Variants in ALMS1 observed in about 807,000 individuals in gnomAD.
ALMS1 encodes centrosome-associated protein ALMS1.
ALMS1 carries 271 observed loss-of-function variants against 352.2 expected under a neutral mutation model. The observed-to-expected ratio is 0.77, with a 90% confidence interval of 0.70 to 0.85. The LOEUF (loss-of-function observed/expected upper bound fraction) is 0.85, where lower values mean the gene tolerates loss of function less well. Among genes scored for constraint, ALMS1 ranks in the 40% least tolerant of loss-of-function variants. ALMS1 has a pLI of 0.00. For synonymous variants in ALMS1, 1,865 were observed against 1,761.2 expected (o/e 1.06, Z -1.48); for missense variants, 5,445 against 4,870.7 (o/e 1.12, Z -3.51).
intron 11 of ALMS1, among the ~76,000 whole-genome samples, chr2:73,520,267 C>T (rs1673649840): frequency 6.6e-6 from 1 of 152,096 alleles, no homozygotes; most frequent in Admixed American, 6.5e-5. Context: ...TTTGTCTCAT[C>T]ATATTTGCAA....
intron 12 of ALMS1, among the ~76,000 whole-genome samples, chr2:73,546,701 A>C (rs1054620987): frequency 6.6e-6 from 1 of 152,226 alleles, no homozygotes; most frequent in Admixed American, 6.5e-5. Context: ...TGAATTAGGT[A>C]GGCAGAGAGT....
Position 73,524,375 on chromosome 2 carries a change from A to G in ALMS1, c.9781+4359A>G, listed in dbSNP as rs541779738. ...AGTGTATAATAATCCCATCAAGGTA[A>G]ATGGGATATCCATCACCTCAAGCAT... On this transcript the variant is annotated intron_variant, in intron 11 of 22. Coordinates refer to ENST00000613296, the MANE Select transcript of ALMS1 (RefSeq NM_001378454.1). Among the ~76,000 whole-genome samples, 11 of 152,332 alleles carry G rather than the reference A, an allele frequency of 7.2e-5. No homozygotes were observed. The South Asian group carries it at 2.1e-3, about 29-fold the overall frequency.
Position 73,534,960 on chromosome 2 carries a change from G to GA in ALMS1, c.9907+14dup. The GA allele has an allele frequency of 6.2e-7, 1 of 1,613,498 alleles. No homozygotes were observed. The highest frequency in any genetic ancestry group is 8.5e-7 in the Non-Finnish European group (1 of 1,179,568). On this transcript the variant is annotated intron_variant, in intron 12 of 22. Transcript: ENST00000613296. Reference sequence around the variant, plus strand: ...AAAGCTCCCATTCAGGTATTATGCAGAAATTATTCGAAGTTTTATTGTTTG... The same window carrying GA: ...AAAGCTCCCATTCAGGTATTATGCAGAAAATTATTCGAAGTTTTATTGTTTG...
chr2:73,506,288 T>C (rs1673318806), intron 10 of ALMS1, among the ~76,000 whole-genome samples: 1 of 152,210 alleles, frequency 6.6e-6, no homozygotes, highest in African/African-American at 2.4e-5. Flanking sequence ...TTTGGTTCCA[T>C]ATGAACTTTA....
rs80233835 is a variant in ALMS1, at chr2:73,553,080, A to G, written c.10078+2643A>G. 2.4e-3 allele frequency among the ~76,000 whole-genome samples: 366 copies of G among 152,314 alleles called. 2 individuals carry two copies. Among genetic ancestry groups the G allele is most frequent in the African/African-American group, 8.5e-3 (353 of 41,582 alleles). On this transcript the variant is annotated intron_variant, in intron 13 of 22. Coordinates refer to ENST00000613296, the MANE Select transcript of ALMS1 (RefSeq NM_001378454.1). The stretch of plus-strand genomic sequence containing the variant: ...AAGGGACTACCATGTACATAAAAAT[A>G]CACACCGAGGCACATGACCTTGACA...
At chr2:73,586,191 G>C (rs1375198854) in intron 16 of ALMS1, among the ~76,000 whole-genome samples, 2 of 152,134 alleles carry the variant, frequency 1.3e-5, no homozygotes, top group African/African-American at 4.8e-5. Context: ...TCGGATGCAT[G>C]GTTTGCAAAT....
intron 9 of ALMS1, among the ~76,000 whole-genome samples, chr2:73,464,609 G>C: frequency 6.6e-6 from 1 of 152,150 alleles, no homozygotes. Context: ...AGTTAGGCAG[G>C]AGAAGGAAAT....
At chr2:73,481,335 T>G (rs1672698999) in intron 9 of ALMS1, among the ~76,000 whole-genome samples, 1 of 152,180 alleles carries the variant, frequency 6.6e-6, no homozygotes, top group Non-Finnish European at 1.5e-5. Flanking sequence ...AAACAGGGAA[T>G]CCTTTCCCCA....
chr2:73,464,926 C>G (rs576419576), intron 9 of ALMS1, among the ~76,000 whole-genome samples: 2 of 123,842 alleles, frequency 1.6e-5, no homozygotes, highest in South Asian at 5.6e-4. Context: ...CTACAAACCA[C>G]TGCTCAATGA....
At chr2:73,435,445 A>C (rs1221750559) in intron 7 of ALMS1, among the ~76,000 whole-genome samples, 2 of 151,766 alleles carry the variant, frequency 1.3e-5, no homozygotes, top group Non-Finnish European at 2.9e-5. Flanking sequence ...GGGGCTTATA[A>C]TATTTATCTT....
chr2:73,494,968 C>G (rs1673072940), intron 10 of ALMS1, among the ~76,000 whole-genome samples: 1 of 150,322 alleles, frequency 6.7e-6, no homozygotes, highest in Non-Finnish European at 1.5e-5. Flanking sequence ...TCTGTCATCT[C>G]TTTTACATTT....
chr2:73,417,729 A>G (rs532800114), intron 2 of ALMS1, among the ~76,000 whole-genome samples: 8 of 152,326 alleles, frequency 5.3e-5, no homozygotes, highest in Admixed American at 2.0e-4. Context: ...ATGCTATAAC[A>G]TAGTTTGAGC....
At chr2:73,387,127 C>G (rs1670556334) in intron 1 of ALMS1, among the ~76,000 whole-genome samples, 1 of 152,226 alleles carries the variant, frequency 6.6e-6, no homozygotes, top group Non-Finnish European at 1.5e-5. Flanking sequence ...TCATCACAGA[C>G]AGTGAAGGTG....
chr2:73,572,531 G>T lies in ALMS1; in HGVS notation c.10654G>T (p.Val3552Leu). Residue 3552 changes from valine to leucine, a missense_variant, in exon 16 of 23, where the codon GTG (valine) becomes TTG (leucine). Transcript: ENST00000613296. The stretch of plus-strand genomic sequence containing the variant: ...CAGAATAAAGAGCCTCAGCATCAAT[G>T]TGAATTTGGGAAACAAAGAAGTGAT... ...YTRIKSLSIN[V>L]NLGNKEVMDT... 2 of 1,613,750 alleles carry T rather than the reference G, an allele frequency of 1.2e-6. No individual in the cohort carries two copies. The highest frequency in any genetic ancestry group is 8.5e-7 in the Non-Finnish European group (1 of 1,179,960).
At chr2:73,603,501 A>G in intron 21 of ALMS1, 197 bp downstream of exon 21, 2 of 584,486 alleles carry the variant, frequency 3.4e-6, no homozygotes, top group South Asian at 2.0e-5. Flanking sequence ...TATGCAAAAG[A>G]TGAAAAACTT....
At chr2:73,424,321 C>G in intron 4 of ALMS1, 109 bp from the exon 5 acceptor site, 3 of 747,076 alleles carry the variant, frequency 4.0e-6, no homozygotes, top group Non-Finnish European at 6.0e-6. Flanking sequence ...TTTCAATACA[C>G]TTTTCAAATA....
intron 15 of ALMS1, among the ~76,000 whole-genome samples, chr2:73,566,678 A>T (rs1674807645): frequency 6.6e-6 from 1 of 152,184 alleles, no homozygotes; most frequent in Admixed American, 6.5e-5. Flanking sequence ...TCTGACACTG[A>T]CAACCTGTAC....
chr2:73,597,259 T>A (rs1314785295), intron 16 of ALMS1, among the ~76,000 whole-genome samples: 2 of 152,202 alleles, frequency 1.3e-5, no homozygotes, highest in Non-Finnish European at 2.9e-5. Flanking sequence ...ACAATTGATT[T>A]TTTTATCTTA....
intron 7 of ALMS1, among the ~76,000 whole-genome samples, chr2:73,436,253 T>C (rs932116535): frequency 2.0e-5 from 3 of 152,256 alleles, no homozygotes; most frequent in East Asian, 1.9e-4. Flanking sequence ...TCAGCTGTTA[T>C]CTTATTCATG....
Sources: gnomAD v4.1 joint callset for allele counts (sites outside exome capture counted in the v4.1 genomes callset) on GRCh38, gnomAD v4.1.1 for gene constraint, MANE v1.5 for transcripts, NCBI Gene and HGNC (gene_info 2026-07-23, HGNC 2026-07-21) for gene names.